Variants in ATP8A2 observed in about 807,000 individuals in gnomAD.
The protein encoded by ATP8A2 is ATPase phospholipid transporting 8A2, also known as phospholipid-transporting ATPase IB.
Under a neutral mutation model 165.6 loss-of-function variants are expected in ATP8A2, and 100 were observed. The ratio of observed to expected loss-of-function variants is 0.60; its 90% confidence interval spans 0.51 to 0.71. The LOEUF (loss-of-function observed/expected upper bound fraction) is 0.71. Among genes scored for constraint, ATP8A2 ranks in the 30% least tolerant of loss-of-function variants. The pLI is 0.00. For synonymous variants in ATP8A2, 543 were observed against 548.8 expected (o/e 0.99, Z 0.15); for missense variants, 1,227 against 1,479.5 (o/e 0.83, Z 2.80).
chr13:25,532,225 A>T, intron 4 of ATP8A2, 47 bp from the exon 5 acceptor site: 1 of 1,448,942 alleles, frequency 6.9e-7, no homozygotes, highest in Non-Finnish European at 9.7e-7. Context: ...TCAATTATTC[A>T]TGTGGAACTT....
At chr13:25,610,141 T>A (rs1331198289) in intron 24 of ATP8A2, among the ~76,000 whole-genome samples, 2 of 152,104 alleles carry the variant, frequency 1.3e-5, no homozygotes, top group Non-Finnish European at 2.9e-5. Flanking sequence ...TATTTATCTT[T>A]GTTTTTGTTG....
chr13:25,647,806 C>A (rs2041712841), intron 24 of ATP8A2, among the ~76,000 whole-genome samples: 1 of 152,064 alleles, frequency 6.6e-6, no homozygotes, highest in African/African-American at 2.4e-5. Context: ...CTGCCTCAGC[C>A]TCCCAAGTAG....
At chr13:25,678,785 C>A (rs549800820) in intron 24 of ATP8A2, among the ~76,000 whole-genome samples, 2 of 152,184 alleles carry the variant, frequency 1.3e-5, no homozygotes, top group East Asian at 3.9e-4. Flanking sequence ...GTCAGTTCAC[C>A]TCTAAGGCTT....
chr13:25,809,979 C>CT (rs1163329799), intron 27 of ATP8A2, among the ~76,000 whole-genome samples: 1 of 152,184 alleles, frequency 6.6e-6, no homozygotes, highest in Non-Finnish European at 1.5e-5. Flanking sequence ...CAGCTGTCTG[C>CT]TTCCTGGGGA....
intron 1 of ATP8A2, among the ~76,000 whole-genome samples, chr13:25,380,194 A>G (rs2137921231): frequency 6.6e-6 from 1 of 152,258 alleles, no homozygotes; most frequent in Non-Finnish European, 1.5e-5. Flanking sequence ...AAGCCATACA[A>G]ATGGAAACCA....
intron 33 of ATP8A2, among the ~76,000 whole-genome samples, chr13:25,901,323 C>T (rs542438513): frequency 9.9e-4 from 150 of 151,388 alleles, no homozygotes; most frequent in Non-Finnish European, 1.9e-3. Flanking sequence ...TGGACTGAAC[C>T]GAAAGGGCCT....
intron 1 of ATP8A2, among the ~76,000 whole-genome samples, chr13:25,398,238 G>C (rs1180403570): frequency 3.3e-5 from 5 of 152,152 alleles, no homozygotes; most frequent in African/African-American, 1.2e-4. Flanking sequence ...CCTGTTATCT[G>C]TCATGTGATG....
At chr13:25,922,873 G>A (rs1241224533) in intron 33 of ATP8A2, among the ~76,000 whole-genome samples, 4 of 152,258 alleles carry the variant, frequency 2.6e-5, no homozygotes, top group Admixed American at 2.6e-4. Context: ...AATCCTTGTA[G>A]CCTCATTCCT....
intron 25 of ATP8A2, among the ~76,000 whole-genome samples, chr13:25,732,112 T>A (rs2043662042): frequency 6.6e-6 from 1 of 152,308 alleles, no homozygotes; most frequent in Non-Finnish European, 1.5e-5. Flanking sequence ...AGCTTTTCCC[T>A]CCCTAGCCCA....
intron 26 of ATP8A2, 94 bp downstream of exon 26, chr13:25,769,323 C>G: frequency 8.2e-7 from 1 of 1,226,986 alleles, no homozygotes; most frequent in South Asian, 1.5e-5. Context: ...ATCTCCAAAC[C>G]TCTGCCACCC....
intron 25 of ATP8A2, among the ~76,000 whole-genome samples, chr13:25,762,965 G>C (rs1593308874): frequency 6.6e-6 from 1 of 152,282 alleles, no homozygotes; most frequent in East Asian, 1.9e-4. Context: ...CAAGTCACAT[G>C]ACATTTTGTA....
intron 25 of ATP8A2, among the ~76,000 whole-genome samples, chr13:25,747,669 A>C (rs1403318956): frequency 6.6e-6 from 1 of 152,124 alleles, no homozygotes; most frequent in African/African-American, 2.4e-5. Flanking sequence ...TTTAGGGAAG[A>C]ATTTCAGGAT....
chr13:25,730,330 T>C (rs2043592911), intron 25 of ATP8A2, among the ~76,000 whole-genome samples: 1 of 152,118 alleles, frequency 6.6e-6, no homozygotes, highest in Non-Finnish European at 1.5e-5. Context: ...AGCAAAAGTC[T>C]CTTTAAGACA....
intron 25 of ATP8A2, among the ~76,000 whole-genome samples, chr13:25,743,350 G>A (rs1028670339): frequency 2.0e-5 from 3 of 152,076 alleles, no homozygotes; most frequent in Non-Finnish European, 4.4e-5. Context: ...CTACACCTCC[G>A]GCTTTCAGAG....
intron 33 of ATP8A2, among the ~76,000 whole-genome samples, chr13:25,936,578 C>G (rs1954897361): frequency 6.6e-6 from 1 of 152,234 alleles, no homozygotes; most frequent in Non-Finnish European, 1.5e-5. Flanking sequence ...AAGTTTTCAT[C>G]TGACTTCTAA....
intron 24 of ATP8A2, among the ~76,000 whole-genome samples, chr13:25,698,367 T>C (rs1015943801): frequency 6.6e-6 from 1 of 152,004 alleles, no homozygotes; most frequent in Non-Finnish European, 1.5e-5. Context: ...ACTACAGACA[T>C]GCAGCAGACA....
chr13:25,575,336 G>T (rs571331326), intron 19 of ATP8A2, among the ~76,000 whole-genome samples: 1 of 152,142 alleles, frequency 6.6e-6, no homozygotes, highest in South Asian at 2.1e-4. Flanking sequence ...GGACTTATTC[G>T]GAAGCATTCT....
At chr13:25,867,983 G>T (rs2138791526) in intron 33 of ATP8A2, 1 of 319,966 alleles carries the variant, frequency 3.1e-6, no homozygotes, top group Non-Finnish European at 6.3e-6. Flanking sequence ...TGCAATTGTT[G>T]AGACACTGTA....
At chr13:25,995,631 G>T (rs904560106) in intron 35 of ATP8A2, among the ~76,000 whole-genome samples, 3 of 151,658 alleles carry the variant, frequency 2.0e-5, no homozygotes, top group Admixed American at 6.6e-5. Flanking sequence ...TTTCTAGTTT[G>T]ATTCCATTGT....
Sources: allele counts gnomAD v4.1 joint callset (sites outside exome capture counted in the v4.1 genomes callset), GRCh38; gene constraint gnomAD v4.1.1; transcripts MANE v1.5; gene names NCBI Gene and HGNC (gene_info 2026-07-23, HGNC 2026-07-21).